Variants in PSPC1 observed in about 807,000 individuals in gnomAD.
PSPC1 encodes paraspeckle protein 1.
PSPC1 carries 14 observed loss-of-function variants against 51.6 expected under a neutral mutation model. The observed-to-expected ratio is 0.27, with a 90% CI of 0.18 to 0.42. The LOEUF (loss-of-function observed/expected upper bound fraction) is 0.42, where lower values mean the gene tolerates loss of function less well. Among genes scored for constraint, PSPC1 ranks in the 10% least tolerant of loss-of-function variants. PSPC1 has a pLI of 1.00. For missense variants in PSPC1, 406 were observed against 701.1 expected, an observed-to-expected ratio of 0.58 and a Z score of 4.75; for synonymous variants, 193 against 231.9, an observed-to-expected ratio of 0.83 and a Z score of 1.53.
intron 6 of PSPC1, among the ~76,000 whole-genome samples, chr13:19,729,408 G>A (rs992501882): frequency 7.9e-5 from 12 of 151,700 alleles, no homozygotes; most frequent in East Asian, 5.8e-4. Context: ...GTGGTGGTGC[G>A]CACCTGTAAT....
chr13:19,730,454 G>A (rs1405023571), intron 5 of PSPC1, 110 bp from the exon 6 acceptor site: 43 of 976,440 alleles, frequency 4.4e-5, no homozygotes, highest in Non-Finnish European at 5.8e-5. Flanking sequence ...TGCCAAACCT[G>A]TAATCACGAC....
chr13:19,684,329 T>C (rs1320286953), intron 6 of PSPC1, among the ~76,000 whole-genome samples: 1 of 152,226 alleles, frequency 6.6e-6, no homozygotes, highest in Non-Finnish European at 1.5e-5. Flanking sequence ...ATAAATTGCA[T>C]TTTTTAGTTC....
chr13:19,700,988 G>A (rs1431419089), downstream of PSPC1, among the ~76,000 whole-genome samples: 1 of 152,280 alleles, frequency 6.6e-6, no homozygotes, highest in African/African-American at 2.4e-5. Context: ...GGAGTTCAGA[G>A]ATGCTCCACT....
Position 19,690,169 on chromosome 13 carries a change from AGTCCCC to A in PSPC1, c.1159-12352_1159-12347del, listed in dbSNP as rs534327367. On this transcript the variant is annotated intron_variant and NMD_transcript_variant, in intron 6 of 7. Transcript: ENST00000471658. ...GTATCAAAACCTGAGAGGATTAGGT[AGTCCCC>A]TTCATCACATATAATTTTTACTGAA... Among the ~76,000 whole-genome samples, 45 of 152,370 alleles carry A rather than the reference AGTCCCC, an allele frequency of 3.0e-4. No homozygotes were observed. In the South Asian group the frequency reaches 6.0e-3, roughly 20 times the overall value.
Position 19,746,372 on chromosome 13 carries a change from A to G in PSPC1, c.968-4723T>C, listed in dbSNP as rs1593694026. ...AGCCGAGATTGCGCCACTGCACTCC[A>G]GCCTGGGCAACAGAGCGAGACTCCG... On this transcript the variant is annotated intron_variant, in intron 4 of 8. Transcript: ENST00000338910. 2.6e-5 allele frequency among the ~76,000 whole-genome samples: 4 copies of G among 152,056 alleles called. No individual in the cohort carries two copies. In the East Asian group the frequency reaches 7.8e-4, roughly 30 times the overall value.
chr13:19,732,043 G>A (rs139079492), intron 5 of PSPC1, among the ~76,000 whole-genome samples: 74 of 152,160 alleles, frequency 4.9e-4, no homozygotes, highest in African/African-American at 1.6e-3. Context: ...CTTGTTTGTT[G>A]CACAACACTC....
downstream of PSPC1, chr13:19,672,496 CT>C (rs764239880): frequency 8.2e-6 from 1 of 122,014 alleles, no homozygotes; most frequent in Non-Finnish European, 1.6e-5. Context: ...AACTTCTGTG[CT>C]TAAAAAAAAA....
At chr13:19,780,171 G>A (rs1180768605) in intron 1 of PSPC1, among the ~76,000 whole-genome samples, 30 of 82,000 alleles carry the variant, frequency 3.7e-4, no homozygotes, top group South Asian at 5.5e-4. Flanking sequence ...CAGCCGCCCC[G>A]TCCGGGAGGG....
intron 1 of PSPC1, among the ~76,000 whole-genome samples, chr13:19,779,767 C>T (rs1269507263): frequency 4.8e-5 from 4 of 82,832 alleles, no homozygotes; most frequent in Admixed American, 2.2e-4. Flanking sequence ...CCAGCCGGCC[C>T]GTCTGGGAGG....
chr13:19,719,916 A>G (rs1882565039), intron 6 of PSPC1, among the ~76,000 whole-genome samples: 1 of 152,160 alleles, frequency 6.6e-6, no homozygotes, highest in Non-Finnish European at 1.5e-5. Flanking sequence ...TCCTGAGCTC[A>G]ATTGATCCTC....
intron 5 of PSPC1, among the ~76,000 whole-genome samples, chr13:19,731,570 T>C (rs1002618317): frequency 7.2e-5 from 11 of 152,124 alleles, no homozygotes; most frequent in African/African-American, 2.2e-4. Flanking sequence ...CGTGCCACTA[T>C]GTCCAGATAA....
intron 7 of PSPC1, chr13:19,675,156 G>A (rs1876499511): frequency 6.5e-6 from 1 of 152,786 alleles, no homozygotes; most frequent in African/African-American, 2.4e-5. Context: ...GCTTGCCTGA[G>A]CCAGTTCATG....
intron 6 of PSPC1, among the ~76,000 whole-genome samples, chr13:19,688,755 T>C (rs1878217564): frequency 6.6e-6 from 1 of 152,108 alleles, no homozygotes; most frequent in Non-Finnish European, 1.5e-5. Flanking sequence ...GTCTACTAAC[T>C]CAGCTCAAGC....
chr13:19,701,283 A>G (rs1879874431), downstream of PSPC1, among the ~76,000 whole-genome samples: 1 of 151,434 alleles, frequency 6.6e-6, no homozygotes. Context: ...GTGAAATACA[A>G]TGCTAAAAAT....
chr13:19,674,464 T>C (rs1876405675), downstream of PSPC1, among the ~76,000 whole-genome samples: 1 of 152,208 alleles, frequency 6.6e-6, no homozygotes, highest in Non-Finnish European at 1.5e-5. Flanking sequence ...TCTGAGTGAG[T>C]TCCGCTTGTA....
chr13:19,691,884 C>CCCTA (rs2137650091), intron 6 of PSPC1, among the ~76,000 whole-genome samples: 1 of 152,102 alleles, frequency 6.6e-6, no homozygotes, highest in Admixed American at 6.5e-5. Flanking sequence ...CACCACTGTA[C>CCCTA]CCTAGACTGA....
chr13:19,755,137 G>A (rs560586032), intron 3 of PSPC1, among the ~76,000 whole-genome samples: 1 of 152,054 alleles, frequency 6.6e-6, no homozygotes, highest in South Asian at 2.1e-4. Flanking sequence ...GGGGGGTGCT[G>A]AGGTGGAAGG....
At position 19,756,005 on chromosome 13, in the gene PSPC1, G is replaced by A. The variant is rs1159014338; in HGVS notation, c.770+3318C>T. The stretch of plus-strand genomic sequence containing the variant: ...TAATCCCAGCACCTTGGGAGGCCAA[G>A]GTGGGTGGATCACCCAAGGTCAGGA... On this transcript the variant is annotated intron_variant, in intron 3 of 8. Coordinates refer to ENST00000338910, the MANE Select transcript of PSPC1 (RefSeq NM_001354909.2). 2.0e-5 allele frequency among the ~76,000 whole-genome samples: 3 copies of A among 152,230 alleles called. No homozygotes were observed. In the East Asian group the frequency reaches 5.8e-4, roughly 29 times the overall value.
chr13:19,770,679 T>C (rs1409329008), intron 2 of PSPC1, among the ~76,000 whole-genome samples: 1 of 151,788 alleles, frequency 6.6e-6, no homozygotes, highest in Non-Finnish European at 1.5e-5. Context: ...TCCCAACTAC[T>C]CGGGAGGCTG....
Sources: allele counts gnomAD v4.1 joint callset (sites outside exome capture counted in the v4.1 genomes callset), GRCh38; gene constraint gnomAD v4.1.1; transcripts MANE v1.5; gene names NCBI Gene and HGNC (gene_info 2026-07-23, HGNC 2026-07-21).